NCOA1: variants seen among roughly 807,000 people sequenced by gnomAD.
NCOA1 encodes nuclear receptor coactivator 1.
NCOA1 carries 35 observed loss-of-function variants against 150.9 expected under a neutral mutation model. The ratio of observed to expected loss-of-function variants is 0.23; its 90% CI spans 0.18 to 0.31. The LOEUF is 0.31. Among genes scored for constraint, NCOA1 ranks in the 10% least tolerant of loss-of-function variants. The pLI, the probability that NCOA1 is intolerant of heterozygous loss-of-function variation, is 1.00. For synonymous variants in NCOA1, 590 were observed against 630.0 expected (o/e 0.94, Z 0.95); for missense variants, 1,491 against 1,749.3 (o/e 0.85, Z 2.63).
Position 24,631,285 on chromosome 2 carries a change from T to G in NCOA1, c.-174-12681T>G, listed in dbSNP as rs145796122. 1.3e-3 allele frequency among the ~76,000 whole-genome samples: 199 copies of G among 152,302 alleles called. 3 individuals carry two copies. The highest frequency in any genetic ancestry group is 4.5e-3 in the African/African-American group (189 of 41,552). On this transcript the variant is annotated intron_variant, in intron 3 of 22. Coordinates refer to ENST00000348332, the MANE Select transcript of NCOA1 (RefSeq NM_003743.5). ...GGATGGCAGTACACCTAACCTAAAC[T>G]ATGAGTCCCAGAACACTGGGAATTT...
intron 14 of NCOA1, among the ~76,000 whole-genome samples, chr2:24,719,022 C>G (rs1427116774): frequency 1.9e-5 from 2 of 103,404 alleles, no homozygotes; most frequent in African/African-American, 7.6e-5. Context: ...AAGTGAGACT[C>G]TGTCCCAAAA....
rs747070593 is a variant in NCOA1, at chr2:24,757,981, G to A, written c.3890G>A (p.Ser1297Asn). ...TGTTTTTGAGTTTACAGTGTGTTCA[G>A]TCAAGCTGTCCAGAACCAGCCCACG... ...QGAIGNNNVF[S>N]QAVQNQPTPA... The change falls in exon 21 of 23, where the codon AGT (serine) becomes AAT (asparagine). Residue 1297 changes from serine (S) to asparagine (N), a missense_variant. Physicochemically the swap from Ser to Asn is conservative, Grantham distance 46 (BLOSUM62 1). Transcript: ENST00000348332. The A allele has an allele frequency of 2.5e-6, 4 of 1,613,566 alleles. No individual in the cohort carries two copies. The highest frequency in any genetic ancestry group is 1.6e-4 in the Middle Eastern group (1 of 6,062).
intron 14 of NCOA1, among the ~76,000 whole-genome samples, chr2:24,714,206 A>G (rs1256305849): frequency 6.6e-6 from 1 of 152,220 alleles, no homozygotes; most frequent in Non-Finnish European, 1.5e-5. Flanking sequence ...GATCAAGCTT[A>G]TGTACAAGTA....
At chr2:24,667,256 C>T (rs1391976863) in intron 6 of NCOA1, among the ~76,000 whole-genome samples, 1 of 152,114 alleles carries the variant, frequency 6.6e-6, no homozygotes, top group Non-Finnish European at 1.5e-5. Context: ...TGCTTGGTCT[C>T]GAAACACTAA....
intron 4 of NCOA1, among the ~76,000 whole-genome samples, chr2:24,649,602 C>T (rs56282331): frequency 0.042 from 6,422 of 152,168 alleles, 205 homozygotes; most frequent in African/African-American, 0.092. Flanking sequence ...TTCCCTCAGT[C>T]GTGAATATAC....
At chr2:24,529,709 T>G (rs189270368) in intron 1 of NCOA1, among the ~76,000 whole-genome samples, 2 of 152,258 alleles carry the variant, frequency 1.3e-5, no homozygotes, top group East Asian at 3.9e-4. Flanking sequence ...TTTAACACTT[T>G]CCTCCATAAG....
chr2:24,761,764 T>C (rs1664803868), intron 21 of NCOA1, among the ~76,000 whole-genome samples: 1 of 138,880 alleles, frequency 7.2e-6, no homozygotes, highest in South Asian at 2.3e-4. Context: ...GTTTGATCCT[T>C]GCTTTTTTGT....
chr2:24,662,284 T>C (rs1671217653), intron 5 of NCOA1, among the ~76,000 whole-genome samples: 1 of 152,244 alleles, frequency 6.6e-6, no homozygotes, highest in African/African-American at 2.4e-5. Context: ...TGTTACCTCT[T>C]CTCCATTCAT....
At chr2:24,525,333 A>G (rs1313403549) in intron 1 of NCOA1, among the ~76,000 whole-genome samples, 4 of 152,290 alleles carry the variant, frequency 2.6e-5, no homozygotes, top group Non-Finnish European at 4.4e-5. Flanking sequence ...AGTCAAGTTT[A>G]TGGAAAGATG....
chr2:24,576,149 G>GTTTTTTTTTGTTTTTTTT (rs1666947727), intron 2 of NCOA1, among the ~76,000 whole-genome samples: 79 of 94,000 alleles, frequency 8.4e-4, no homozygotes, highest in Non-Finnish European at 1.3e-3. Flanking sequence ...TTTGGCCTTT[G>GTTTTTTTTTGTTTTTTTT]TTTTTTTTTT....
chr2:24,569,283 G>T (rs1332569528), intron 2 of NCOA1, among the ~76,000 whole-genome samples: 2 of 152,046 alleles, frequency 1.3e-5, no homozygotes, highest in African/African-American at 4.8e-5. Flanking sequence ...GGAGGAAAGG[G>T]CTTACATGTT....
chr2:24,707,561 T>C lies in NCOA1; in HGVS notation c.2091T>C (p.Gly697=). 1.2e-6 allele frequency: 2 copies of C among 1,614,110 alleles called. No homozygotes were observed. The highest frequency in any genetic ancestry group is 2.2e-5 in the South Asian group (2 of 91,080). ...HKILHRLLQE[G]SPSDITTLSV... The stretch of plus-strand genomic sequence containing the variant: ...TTCTACACCGGCTCTTACAGGAGGG[T>C]AGCCCCTCAGATATCACCACTTTGT... Residue 697 remains glycine (G), a synonymous_variant, in exon 13 of 23, where the codon GGT becomes GGC. Coordinates refer to ENST00000348332, the MANE Select transcript of NCOA1 (RefSeq NM_003743.5).
Position 24,706,759 on chromosome 2 carries a change from G to T in NCOA1, c.1289G>T (p.Ser430Ile). 3.1e-6 allele frequency: 5 copies of T among 1,614,198 alleles called. No homozygotes were observed. Among genetic ancestry groups the T allele is most frequent in the Non-Finnish European group, 3.4e-6 (4 of 1,180,038 alleles). ...RQQSSDLHSS[S>I]HSNSSNSQGS... Reference sequence around the variant, plus strand: ...CAGAGCTCAGACCTTCATAGCAGCAGTCATAGTAATTCTAGCAACAGCCAA... The same window carrying T: ...CAGAGCTCAGACCTTCATAGCAGCATTCATAGTAATTCTAGCAACAGCCAA... Residue 430 changes from serine (S) to isoleucine (I), a missense_variant, in exon 13 of 23, where the codon AGT becomes ATT. By Grantham distance (142) the Ser-to-Ile change is moderately radical (BLOSUM62 -2). Around this residue, in one of 8 missense-constraint regions of NCOA1, gnomAD observed 703 missense variants for 717.7 expected, o/e 0.98. Transcript: ENST00000348332.
At chr2:24,551,058 G>A (rs1242212071) in intron 1 of NCOA1, among the ~76,000 whole-genome samples, 1 of 149,258 alleles carries the variant, frequency 6.7e-6, no homozygotes, top group African/African-American at 2.5e-5. Context: ...TTGTGCCACT[G>A]CACTCCAGCC....
rs1662883551 is a variant in NCOA1, at chr2:24,729,568, A to C, written c.2954A>C (p.Glu985Ala). The C allele has an allele frequency of 6.2e-7, 1 of 1,614,056 alleles. No individual in the cohort carries two copies. Among genetic ancestry groups the C allele is most frequent in the African/African-American group, 1.3e-5 (1 of 74,928 alleles). The stretch of plus-strand genomic sequence containing the variant: ...CAAGCAACGCCACCTTTGATCATGG[A>C]AGAAAGACCCAACCTTTATTCCCAG... The part of the protein sequence containing the change: ...PQQATPPLIM[E>A]ERPNLYSQPY... Residue 985 changes from glutamate to alanine, a missense_variant, in exon 17 of 23, where the codon GAA (glutamate) becomes GCA (alanine). Physicochemically the swap from Glu to Ala is moderately radical, Grantham distance 107. Around this residue, in one of 8 missense-constraint regions of NCOA1, gnomAD observed 485 missense variants for 522.8 expected, o/e 0.93. Coordinates refer to ENST00000348332, the MANE Select transcript of NCOA1 (RefSeq NM_003743.5).
At chr2:24,517,802 T>G (rs1361378589) in intron 1 of NCOA1, among the ~76,000 whole-genome samples, 2 of 152,194 alleles carry the variant, frequency 1.3e-5, no homozygotes, top group Non-Finnish European at 2.9e-5. Flanking sequence ...GTGTTTCTAG[T>G]GAAAATTATG....
intron 2 of NCOA1, among the ~76,000 whole-genome samples, chr2:24,566,392 T>C (rs1435944883): frequency 6.6e-6 from 1 of 151,774 alleles, no homozygotes; most frequent in Non-Finnish European, 1.5e-5. Flanking sequence ...GTAGTTCCAT[T>C]GTGTGCTCAG....
At chr2:24,506,792 A>G (rs907006867) in intron 1 of NCOA1, among the ~76,000 whole-genome samples, 2 of 152,218 alleles carry the variant, frequency 1.3e-5, no homozygotes, top group East Asian at 1.9e-4. Flanking sequence ...AGAATTGCTT[A>G]AATAAAACAC....
chr2:24,547,988 C>CAAAAAA lies in NCOA1; in HGVS notation c.-395-16292_-395-16287dup, dbSNP rs34669959. Among the ~76,000 whole-genome samples the CAAAAAA allele has an allele frequency of 1.5e-4, 11 of 74,942 alleles. 1 individual carries two copies. Among genetic ancestry groups the CAAAAAA allele is most frequent in the South Asian group, 5.4e-4 (1 of 1,840 alleles). 49.2% of individuals were successfully genotyped at this position (74,942 alleles called of 152,430 possible). Reference sequence around the variant, plus strand: ...TGGGCAACAGAGTGAGACTCTGTCTCAAAAAAAAAAAAAAAAAAAAGGATG... The same window carrying CAAAAAA: ...TGGGCAACAGAGTGAGACTCTGTCTCAAAAAAAAAAAAAAAAAAAAAAAAAAGGATG... On this transcript the variant is annotated intron_variant, in intron 1 of 22. Transcript: ENST00000348332.
Sources: allele counts gnomAD v4.1 joint callset (sites outside exome capture counted in the v4.1 genomes callset), GRCh38; gene constraint gnomAD v4.1.1; regional missense constraint gnomAD v4.1.1; transcripts MANE v1.5; gene names NCBI Gene and HGNC (gene_info 2026-07-23, HGNC 2026-07-21).